The following COMMD1 variants were observed in gnomAD, a reference collection of about 807,000 sequenced individuals.
COMMD1 encodes COMM domain-containing protein 1.
A neutral mutation model predicts 17.2 loss-of-function variants in COMMD1; 10 were observed. That is an observed-to-expected ratio of 0.58 (90% CI 0.36 to 0.99). COMMD1 has a LOEUF of 0.99. Ranked by LOEUF, COMMD1 falls within the 50% of genes least tolerant of loss-of-function variation. The pLI is 0.01. For missense variants in COMMD1, 270 were observed against 231.8 expected, an observed-to-expected ratio of 1.17 and a Z score of -1.07; for synonymous variants, 97 against 91.6, an observed-to-expected ratio of 1.06 and a Z score of -0.34.
At chr2:61,937,654 A>T (rs1300390790) in intron 1 of COMMD1, among the ~76,000 whole-genome samples, 1 of 152,224 alleles carries the variant, frequency 6.6e-6, no homozygotes, top group Non-Finnish European at 1.5e-5. Context: ...TTTAACTTCT[A>T]TGCTACGCAT....
intron 1 of COMMD1, among the ~76,000 whole-genome samples, chr2:61,990,463 G>C (rs1305316654): frequency 1.3e-5 from 2 of 152,176 alleles, no homozygotes; most frequent in Non-Finnish European, 2.9e-5. Flanking sequence ...GAGGCGGAAG[G>C]ACTGCTTTGA....
chr2:62,017,568 A>G (rs7586960), intron 2 of COMMD1, among the ~76,000 whole-genome samples: 138,701 of 152,040 alleles, frequency 0.91, 63,410 homozygotes, highest in East Asian at 1. Context: ...TGCTTGGTAG[A>G]CTGAAGTGGG....
chr2:61,982,110 A>G (rs1158870653), intron 1 of COMMD1, among the ~76,000 whole-genome samples: 2 of 152,208 alleles, frequency 1.3e-5, no homozygotes, highest in East Asian at 1.9e-4. Context: ...GATTCTTCCA[A>G]TCCATGAACA....
chr2:62,045,730 ATTTTTTTTTTT>A (rs71410917), intron 2 of COMMD1, among the ~76,000 whole-genome samples: 2 of 84,896 alleles, frequency 2.4e-5, no homozygotes, highest in African/African-American at 9.6e-5. Context: ...TTTCAAGTTA[ATTTTTTTTTTT>A]TTTTTTTTTT....
intron 2 of COMMD1, among the ~76,000 whole-genome samples, chr2:62,086,679 T>C (rs1671679256): frequency 6.6e-6 from 1 of 152,328 alleles, no homozygotes; most frequent in African/African-American, 2.4e-5. Context: ...ATTTATAACC[T>C]AAATGTCCTC....
intron 1 of COMMD1, among the ~76,000 whole-genome samples, chr2:61,926,493 A>G (rs749584014): frequency 2.6e-5 from 4 of 152,202 alleles, no homozygotes; most frequent in Non-Finnish European, 5.9e-5. Context: ...TGGAACCCCA[A>G]ACTCACTGTG....
Position 61,979,838 on chromosome 2 carries a change from G to A in COMMD1, c.181-20863G>A, listed in dbSNP as rs1187443701. Among the ~76,000 whole-genome samples, 7 of 139,832 alleles carry A rather than the reference G, an allele frequency of 5.0e-5. No homozygotes were observed. In the East Asian group the frequency reaches 1.1e-3, roughly 21 times the overall value. The allele number at this position is 139,832 out of a possible 152,430, so 91.7% of individuals were successfully genotyped here. On this transcript the variant is annotated intron_variant, in intron 1 of 2. Coordinates refer to ENST00000311832, the MANE Select transcript of COMMD1 (RefSeq NM_152516.4). ...ATGTATACATGTGCCATGCTGGTGC[G>A]CTGCACCCACTAATGTGTCATCTAG...
chr2:62,119,278 C>G (rs1672682243), intron 2 of COMMD1, among the ~76,000 whole-genome samples: 1 of 152,174 alleles, frequency 6.6e-6, no homozygotes, highest in African/African-American at 2.4e-5. Flanking sequence ...GCCTCCAGAT[C>G]TATGAGAAAT....
upstream of COMMD1, among the ~76,000 whole-genome samples, chr2:61,902,096 T>G (rs1367545764): frequency 1.3e-5 from 2 of 151,750 alleles, no homozygotes; most frequent in Non-Finnish European, 2.9e-5. Context: ...CTCCCAAAGT[T>G]CTGGGATTAC....
intron 2 of COMMD1, among the ~76,000 whole-genome samples, chr2:62,113,569 A>T (rs1314738136): frequency 2.6e-5 from 4 of 152,126 alleles, no homozygotes; most frequent in Non-Finnish European, 4.4e-5. Context: ...TTTTTAGTAG[A>T]GACGGGGTTT....
At chr2:61,985,269 C>G (rs1028934115) in intron 1 of COMMD1, among the ~76,000 whole-genome samples, 2 of 152,132 alleles carry the variant, frequency 1.3e-5, no homozygotes, top group Non-Finnish European at 2.9e-5. Flanking sequence ...CCAGGATGGT[C>G]TCGATCTCCT....
intron 1 of COMMD1, among the ~76,000 whole-genome samples, chr2:61,956,881 G>T (rs953532454): frequency 3.3e-5 from 5 of 151,936 alleles, no homozygotes; most frequent in African/African-American, 1.2e-4. Flanking sequence ...CTCCCAAGTA[G>T]CTGGGACCAC....
intron 1 of COMMD1, among the ~76,000 whole-genome samples, chr2:61,895,894 A>C (rs1669539500): frequency 6.6e-6 from 1 of 152,104 alleles, no homozygotes; most frequent in East Asian, 1.9e-4. Flanking sequence ...GGGGCAGTCC[A>C]GTCCACCCAT....
chr2:62,064,213 C>T (rs1028465475), intron 2 of COMMD1, among the ~76,000 whole-genome samples: 7 of 151,976 alleles, frequency 4.6e-5, no homozygotes, highest in African/African-American at 9.6e-5. Context: ...TTCACTCTGT[C>T]GCCAGGCTGT....
chr2:61,962,431 C>T (rs1010266351), intron 1 of COMMD1, among the ~76,000 whole-genome samples: 1 of 152,010 alleles, frequency 6.6e-6, no homozygotes, highest in African/African-American at 2.4e-5. Flanking sequence ...ATAGTGAGCC[C>T]CTAGATAGTT....
chr2:62,019,051 T>C (rs193122705), intron 2 of COMMD1, among the ~76,000 whole-genome samples: 123 of 65,482 alleles, frequency 1.9e-3, no homozygotes, highest in African/African-American at 9.6e-3. Flanking sequence ...CCCTCCTTCC[T>C]TCCTTTCTTT....
intron 2 of COMMD1, among the ~76,000 whole-genome samples, chr2:62,085,218 T>C (rs1671624324): frequency 6.8e-6 from 1 of 147,158 alleles, no homozygotes; most frequent in South Asian, 2.1e-4. Flanking sequence ...TGTTACAGTT[T>C]GAATTTTTTT....
At chr2:62,064,667 T>C (rs1670975645) in intron 2 of COMMD1, among the ~76,000 whole-genome samples, 1 of 152,234 alleles carries the variant, frequency 6.6e-6, no homozygotes. Flanking sequence ...GTCTTCTGTC[T>C]TGTGTAATCA....
intron 2 of COMMD1, among the ~76,000 whole-genome samples, chr2:62,082,910 T>C (rs1389306903): frequency 6.6e-6 from 1 of 152,226 alleles, no homozygotes; most frequent in Non-Finnish European, 1.5e-5. Flanking sequence ...CTTCCCTTCC[T>C]TGATATCAGC....
Sources: allele counts gnomAD v4.1 joint callset (sites outside exome capture counted in the v4.1 genomes callset), GRCh38; gene constraint gnomAD v4.1.1; transcripts MANE v1.5; gene names NCBI Gene and HGNC (gene_info 2026-07-23, HGNC 2026-07-21).